TNS3: variants seen among roughly 807,000 people sequenced by gnomAD.
TNS3 encodes tensin 3.
In TNS3, 45 loss-of-function variants were observed where a neutral mutation model predicts 140.9. The observed-to-expected ratio is 0.32, with a 90% CI of 0.25 to 0.41. TNS3 has a LOEUF of 0.41. Ranked by LOEUF, TNS3 falls within the 10% of genes least tolerant of loss-of-function variation. The probability of loss-of-function intolerance (pLI) is 1.00; values close to 1 mark genes in which losing one functional copy is unlikely to be tolerated. For missense variants in TNS3, 1,716 were observed against 1,906.7 expected (o/e 0.90, Z 1.86); for synonymous variants, 815 against 788.4 (o/e 1.03, Z -0.56).
At chr7:47,388,034 G>C (rs1246844007) in intron 16 of TNS3, among the ~76,000 whole-genome samples, 1 of 152,230 alleles carries the variant, frequency 6.6e-6, no homozygotes, top group Non-Finnish European at 1.5e-5. Flanking sequence ...GCAATGGAGA[G>C]AAAGGTTCTA....
chr7:47,400,311 A>G (rs1237646727), intron 15 of TNS3, 82 bp downstream of exon 15: 3 of 1,097,730 alleles, frequency 2.7e-6, no homozygotes, highest in Admixed American at 1.8e-5. Context: ...GCAGGAGACT[A>G]GTACTACAGC....
At chr7:47,401,050 G>A in intron 13 of TNS3, 136 bp from the exon 14 acceptor site, 2 of 1,320,948 alleles carry the variant, frequency 1.5e-6, no homozygotes, top group Non-Finnish European at 2.1e-6. Flanking sequence ...GCTTTGGAGT[G>A]GAACTTCAGC....
chr7:47,428,134 G>C (rs1267285685), intron 9 of TNS3, among the ~76,000 whole-genome samples, 178 bp downstream of exon 9: 1 of 152,132 alleles, frequency 6.6e-6, no homozygotes, highest in Non-Finnish European at 1.5e-5. Context: ...TTTCACAAGT[G>C]TAAACGCTTA....
rs1786649788 is a variant in TNS3 at position 47,304,812 on chromosome 7, T to G, written c.2822+20A>C. The G allele has an allele frequency of 7.4e-7, 1 of 1,348,606 alleles. No homozygotes were observed. The highest frequency in any genetic ancestry group is 9.6e-7 in the Non-Finnish European group (1 of 1,040,448). 83.5% of individuals were successfully genotyped at this position (1,348,606 alleles called of 1,614,324 possible). On this transcript the variant is annotated intron_variant, in intron 21 of 30. Transcript: ENST00000311160. ...TCTTTAAGGGGAACTTGTGCCAAGT[T>G]TAAAGATCCATCTTCTTACCTCTCT...
rs368842513 is a variant in TNS3, at chr7:47,368,320, G to A, written c.2281+45C>T. On this transcript the variant is annotated intron_variant, in intron 17 of 30. Coordinates refer to ENST00000311160, the MANE Select transcript of TNS3 (RefSeq NM_022748.12). ...ATTTCTCATCACACATTAGCCTCCCGTGGAGCACCTCCCGTGGAGCACCTC... is the reference window on the plus strand; with the variant it reads ...ATTTCTCATCACACATTAGCCTCCCATGGAGCACCTCCCGTGGAGCACCTC... The A allele has an allele frequency of 6.6e-5, 94 of 1,430,376 alleles. No homozygotes were observed. The African/African-American group carries it at 1.1e-3, about 17-fold the overall frequency. The allele number at this position is 1,430,376 out of a possible 1,614,324, so 88.6% of individuals were successfully genotyped here. A position where few individuals can be genotyped will look rare whatever the true frequency, so the allele number is the denominator to read the frequency against.
chr7:47,286,594 T>C (rs923084509), intron 27 of TNS3, among the ~76,000 whole-genome samples: 3 of 152,000 alleles, frequency 2.0e-5, no homozygotes, highest in Admixed American at 6.6e-5. Context: ...GTTCTGTCAA[T>C]TGCTAGGCTA....
intron 16 of TNS3, among the ~76,000 whole-genome samples, chr7:47,373,641 C>T (rs2462628): frequency 0.5 from 76,536 of 152,038 alleles, 21,403 homozygotes; most frequent in Non-Finnish European, 0.64. Flanking sequence ...TTGTCCACAG[C>T]ACATACTTGC....
chr7:47,534,150 C>G (rs570853231), intron 1 of TNS3, among the ~76,000 whole-genome samples: 1 of 151,736 alleles, frequency 6.6e-6, no homozygotes, highest in Non-Finnish European at 1.5e-5. Context: ...GGCGGGCACC[C>G]GTAATCCCAG....
intron 3 of TNS3, among the ~76,000 whole-genome samples, chr7:47,490,589 C>T (rs147988087): frequency 1.5e-3 from 229 of 152,350 alleles, no homozygotes; most frequent in African/African-American, 4.0e-3. Flanking sequence ...CTGCAGTTGC[C>T]GCCTTCGCCT....
chr7:47,326,742 A>C (rs142684123), intron 20 of TNS3, among the ~76,000 whole-genome samples: 1 of 152,312 alleles, frequency 6.6e-6, no homozygotes, highest in East Asian at 1.9e-4. Context: ...GAATTCATGA[A>C]AAATTACTAA....
intron 16 of TNS3, among the ~76,000 whole-genome samples, chr7:47,389,103 C>T (rs112820969): frequency 0.03 from 480 of 16,214 alleles, 63 homozygotes; most frequent in East Asian, 0.076. Context: ...GAAGAGGAAG[C>T]GGAAGCAGAA....
At chr7:47,327,716 A>C (rs1788101136) in intron 20 of TNS3, among the ~76,000 whole-genome samples, 1 of 152,198 alleles carries the variant, frequency 6.6e-6, no homozygotes, top group South Asian at 2.1e-4. Context: ...TTTGTCCCAA[A>C]GCCTTGGCGA....
intron 3 of TNS3, among the ~76,000 whole-genome samples, chr7:47,505,071 G>C (rs1041515422): frequency 1.1e-4 from 17 of 152,168 alleles, no homozygotes; most frequent in Non-Finnish European, 2.4e-4. Context: ...CTCTGCGGCT[G>C]TGGCTCAGAG....
chr7:47,354,472 AG>A (rs1459103749), intron 17 of TNS3, among the ~76,000 whole-genome samples: 1 of 151,968 alleles, frequency 6.6e-6, no homozygotes, highest in East Asian at 1.9e-4. Context: ...GGGGTGGGGC[AG>A]GGGGGCACCT....
intron 1 of TNS3, among the ~76,000 whole-genome samples, chr7:47,548,182 G>C (rs1799971876): frequency 6.6e-6 from 1 of 152,168 alleles, no homozygotes; most frequent in African/African-American, 2.4e-5. Context: ...TTATAGGGGT[G>C]AGTCACCACC....
Position 47,284,115 on chromosome 7 carries a change from C to T in TNS3, c.3929-250G>A, listed in dbSNP as rs139605875. Among the ~76,000 whole-genome samples, 788 of 152,316 alleles carry T rather than the reference C, an allele frequency of 5.2e-3. 2 individuals are homozygous for T. The highest frequency in any genetic ancestry group is 8.8e-3 in the Non-Finnish European group (602 of 68,024). On this transcript the variant is annotated intron_variant, in intron 27 of 30. Coordinates refer to ENST00000311160, the MANE Select transcript of TNS3 (RefSeq NM_022748.12). ...GCGAGTTACTAGAGCAAAGCAGACC[C>T]GCCTGGTGTGGCTTTGCCTTCCCAC...
chr7:47,524,530 C>T (rs1360199550), intron 2 of TNS3, among the ~76,000 whole-genome samples: 2 of 152,092 alleles, frequency 1.3e-5, no homozygotes, highest in Non-Finnish European at 2.9e-5. Context: ...AGGCCGGGCG[C>T]GGTGGCTCAC....
intron 17 of TNS3, among the ~76,000 whole-genome samples, chr7:47,358,984 G>C (rs1790163903): frequency 6.6e-6 from 1 of 152,096 alleles, no homozygotes; most frequent in South Asian, 2.1e-4. Context: ...AAGCATCAGT[G>C]GGGAAGTTCC....
rs1386935084 is a variant in TNS3 at position 47,524,808 on chromosome 7, CAAGAAA to C, written c.-153+4222_-153+4227del. Among the ~76,000 whole-genome samples the C allele has an allele frequency of 2.9e-3, 73 of 25,238 alleles. 2 individuals carry two copies. The highest frequency in any genetic ancestry group is 0.062 in the Middle Eastern group (1 of 16). 16.6% of individuals were successfully genotyped at this position (25,238 alleles called of 152,430 possible). On this transcript the variant is annotated intron_variant, in intron 2 of 30. Coordinates refer to ENST00000311160, the MANE Select transcript of TNS3 (RefSeq NM_022748.12). ...TGGGCGACAGAGCGAGACTCCGTCT[CAAGAAA>C]AAAAAAAAAAAAAAAAAAAAAAGGC...
Sources: allele counts gnomAD v4.1 joint callset (sites outside exome capture counted in the v4.1 genomes callset), GRCh38; gene constraint gnomAD v4.1.1; transcripts MANE v1.5; gene names NCBI Gene and HGNC (gene_info 2026-07-23, HGNC 2026-07-21).